KHDRBS2: variants seen among roughly 807,000 people sequenced by gnomAD.
The protein encoded by KHDRBS2 is KH domain-containing, RNA-binding, signal transduction-associated protein 2.
KHDRBS2 carries 26 observed loss-of-function variants against 44.3 expected under a neutral mutation model. That is an observed-to-expected ratio of 0.59 (90% CI 0.43 to 0.81). The LOEUF (loss-of-function observed/expected upper bound fraction) is 0.81, where lower values mean the gene tolerates loss of function less well. Among genes scored for constraint, KHDRBS2 ranks in the 40% least tolerant of loss-of-function variants. The pLI is 0.00. For missense variants in KHDRBS2, 476 were observed against 433.1 expected (o/e 1.10, Z -0.88); for synonymous variants, 194 against 151.1 (o/e 1.28, Z -2.08).
the KHDRBS2 span, among the ~76,000 whole-genome samples, chr6:61,626,872 GT>G: frequency 4.0e-5 from 6 of 148,294 alleles, no homozygotes; most frequent in African/African-American, 9.8e-5. Context: ...TCTCTCTTCA[GT>G]TTTTTTTTTG....
At chr6:61,818,280 A>G (rs1360641910) in intron 6 of KHDRBS2, among the ~76,000 whole-genome samples, 1 of 151,610 alleles carries the variant, frequency 6.6e-6, no homozygotes, top group East Asian at 1.9e-4. Flanking sequence ...AAAAAAAAAA[A>G]AAAGGATAGT....
intron 1 of KHDRBS2, among the ~76,000 whole-genome samples, chr6:62,224,598 AT>A (rs1478263894): frequency 6.6e-6 from 1 of 152,162 alleles, no homozygotes; most frequent in Non-Finnish European, 1.5e-5. Flanking sequence ...TTCAAGAATT[AT>A]TTTGGCATAC....
chr6:62,211,245 G>T (rs1828992341), intron 1 of KHDRBS2, among the ~76,000 whole-genome samples: 1 of 151,378 alleles, frequency 6.6e-6, no homozygotes, highest in Non-Finnish European at 1.5e-5. Flanking sequence ...TAAATAAAAT[G>T]ATCAAATCTA....
intron 5 of KHDRBS2, among the ~76,000 whole-genome samples, chr6:61,900,327 G>A (rs2127341884): frequency 6.6e-6 from 1 of 152,086 alleles, no homozygotes; most frequent in Non-Finnish European, 1.5e-5. Context: ...AACTGAATCT[G>A]AAAAGTATCT....
At chr6:62,274,724 C>T (rs1334334521) in intron 1 of KHDRBS2, among the ~76,000 whole-genome samples, 1 of 152,020 alleles carries the variant, frequency 6.6e-6, no homozygotes, top group Non-Finnish European at 1.5e-5. Context: ...GTTTAGGTGT[C>T]CTGCCCCGAA....
the KHDRBS2 span, among the ~76,000 whole-genome samples, chr6:61,547,437 T>C: frequency 3.1e-3 from 479 of 152,218 alleles, 4 homozygotes; most frequent in African/African-American, 0.011. Context: ...AAACAAACAT[T>C]TCCATACTTC....
intron 4 of KHDRBS2, among the ~76,000 whole-genome samples, chr6:61,964,215 T>C (rs1476711434): frequency 6.6e-6 from 1 of 152,080 alleles, no homozygotes; most frequent in Non-Finnish European, 1.5e-5. Flanking sequence ...GTAATGCTGC[T>C]TTTTAGGAGC....
At chr6:61,627,245 T>G in the KHDRBS2 span, among the ~76,000 whole-genome samples, 3 of 77,462 alleles carry the variant, frequency 3.9e-5, no homozygotes, top group East Asian at 7.7e-4. Context: ...AGAGCGAGAC[T>G]CCGTCTCAAA....
intron 6 of KHDRBS2, among the ~76,000 whole-genome samples, chr6:61,827,346 T>C (rs1791056176): frequency 6.6e-6 from 1 of 152,184 alleles, no homozygotes; most frequent in African/African-American, 2.4e-5. Context: ...GATGTGAGTG[T>C]TGCTCTTTGG....
intron 8 of KHDRBS2, among the ~76,000 whole-genome samples, chr6:61,682,229 T>C (rs1369691155): frequency 6.6e-6 from 1 of 151,882 alleles, no homozygotes; most frequent in South Asian, 2.1e-4. Flanking sequence ...GAAAACAATC[T>C]ACTATGTAGA....
chr6:62,070,819 T>C (rs1249945977), intron 2 of KHDRBS2, among the ~76,000 whole-genome samples: 5 of 152,312 alleles, frequency 3.3e-5, no homozygotes, highest in Middle Eastern at 3.4e-3. Context: ...TGTGTCTTTA[T>C]AGCAGCATGA....
intron 4 of KHDRBS2, among the ~76,000 whole-genome samples, chr6:61,902,545 T>C (rs1285922360): frequency 1.3e-5 from 2 of 152,012 alleles, no homozygotes; most frequent in African/African-American, 2.4e-5. Context: ...ACACCCCTGG[T>C]TGAATAGTAC....
rs1769540622 is a variant in KHDRBS2 at position 61,964,810 on chromosome 6, A to C, written c.483+13256T>G. On this transcript the variant is annotated intron_variant, in intron 4 of 8. Transcript: ENST00000281156. ...CAGTGGCAGAAATGTGCTTCAAAGGAAAAGCACTTAAACAGATTTCCACAC... is the reference window on the plus strand; with the variant it reads ...CAGTGGCAGAAATGTGCTTCAAAGGCAAAGCACTTAAACAGATTTCCACAC... 2.0e-5 allele frequency among the ~76,000 whole-genome samples: 3 copies of C among 152,220 alleles called. No individual in the cohort carries two copies. The South Asian group carries it at 6.2e-4, about 32-fold the overall frequency.
chr6:61,686,294 G>C (rs992501919), intron 8 of KHDRBS2, among the ~76,000 whole-genome samples: 2 of 151,704 alleles, frequency 1.3e-5, no homozygotes, highest in Non-Finnish European at 2.9e-5. Context: ...CAAACCGCTA[G>C]TGTTTTTGCT....
Position 61,894,822 on chromosome 6 carries a change from C to A in KHDRBS2, c.623G>T (p.Gly208Val), listed in dbSNP as rs781137192. ...AGGTGGTGGGGGAGGAGGAATGGCA[C>A]CCCCACGGCCCCTAAGAGAAACAAG... The part of the protein sequence containing the change: ...APTAPSRGRG[G>V]AIPPPPPPGR... The change falls in exon 6 of 9, where the codon GGT becomes GTT. Residue 208 changes from glycine to valine, a missense_variant. Coordinates refer to ENST00000281156, the MANE Select transcript of KHDRBS2 (RefSeq NM_152688.4). 10 of 1,611,038 alleles carry A rather than the reference C, an allele frequency of 6.2e-6. No individual in the cohort carries two copies. The South Asian group carries it at 8.8e-5, about 14-fold the overall frequency.
chr6:62,031,191 C>T (rs1191120397), intron 3 of KHDRBS2, among the ~76,000 whole-genome samples: 1 of 151,986 alleles, frequency 6.6e-6, no homozygotes, highest in Non-Finnish European at 1.5e-5. Flanking sequence ...AGGTGCCAGT[C>T]TTGGCATGAT....
rs553783083 is a variant in KHDRBS2, at chr6:61,887,636, G to T, written c.810+6999C>A. 5.5e-4 allele frequency among the ~76,000 whole-genome samples: 84 copies of T among 152,286 alleles called. 1 individual carries two copies. Among genetic ancestry groups the T allele is most frequent in the Non-Finnish European group, 7.3e-4 (50 of 68,032 alleles). On this transcript the variant is annotated intron_variant, in intron 6 of 8. Coordinates refer to ENST00000281156, the MANE Select transcript of KHDRBS2 (RefSeq NM_152688.4). ...CATTCCATGTGGTCAGAAATTTAAT[G>T]CTGAGGCTCAGCAGGGGAGAAAGAA...
At chr6:62,061,343 T>C (rs1562755951) in intron 2 of KHDRBS2, among the ~76,000 whole-genome samples, 1 of 151,886 alleles carries the variant, frequency 6.6e-6, no homozygotes, top group Non-Finnish European at 1.5e-5. Context: ...AGCGCTTCCT[T>C]CAGGAGCTCT....
At chr6:62,246,729 A>G (rs903829523) in intron 1 of KHDRBS2, among the ~76,000 whole-genome samples, 8 of 152,050 alleles carry the variant, frequency 5.3e-5, no homozygotes, top group Non-Finnish European at 8.8e-5. Flanking sequence ...GATTTCTGAT[A>G]TTAAGATATT....
Sources: allele counts gnomAD v4.1 joint callset (sites outside exome capture counted in the v4.1 genomes callset), GRCh38; gene constraint gnomAD v4.1.1; transcripts MANE v1.5; gene names NCBI Gene and HGNC (gene_info 2026-07-23, HGNC 2026-07-21).